The following GRIN2A variants were observed in gnomAD, a reference collection of about 807,000 sequenced individuals.
The protein encoded by GRIN2A is glutamate ionotropic receptor NMDA type subunit 2A.
In GRIN2A, 22 loss-of-function variants were observed where a neutral mutation model predicts 113.4. That is an observed-to-expected ratio of 0.19 (90% confidence interval 0.14 to 0.28). The LOEUF (loss-of-function observed/expected upper bound fraction) is 0.28, where lower values mean the gene tolerates loss of function less well. GRIN2A is among the 10% of genes least tolerant of loss of function. The pLI, the probability that GRIN2A is intolerant of heterozygous loss-of-function variation, is 1.00. For missense variants in GRIN2A, 1,502 were observed against 1,887.0 expected (o/e 0.80, Z 3.78); for synonymous variants, 827 against 738.4 (o/e 1.12, Z -1.94).
intron 11 of GRIN2A, among the ~76,000 whole-genome samples, chr16:9,773,795 A>T (rs942683920): frequency 6.6e-6 from 1 of 152,174 alleles, no homozygotes; most frequent in African/African-American, 2.4e-5. Context: ...ATCTCTACTA[A>T]CCACTTAGTT....
intron 2 of GRIN2A, among the ~76,000 whole-genome samples, chr16:10,005,445 G>C (rs1567229692): frequency 6.6e-6 from 1 of 152,184 alleles, no homozygotes; most frequent in Non-Finnish European, 1.5e-5. Context: ...AAATGAAGGA[G>C]AAATTTCAGA....
chr16:9,870,035 T>C (rs2043229419), intron 4 of GRIN2A, among the ~76,000 whole-genome samples: 1 of 152,218 alleles, frequency 6.6e-6, no homozygotes, highest in South Asian at 2.1e-4. Context: ...GGATTTTTTT[T>C]CCCTGCTCTA....
chr16:10,009,528 C>G (rs1388053333), intron 2 of GRIN2A, among the ~76,000 whole-genome samples: 1 of 152,078 alleles, frequency 6.6e-6, no homozygotes, highest in Non-Finnish European at 1.5e-5. Flanking sequence ...GACGGCACAA[C>G]CCCTAGACTC....
rs999523910 is a variant in GRIN2A at position 9,764,040 on chromosome 16, G to A, written c.3504C>T (p.Asn1168=). The change falls in exon 13 of 13, where the codon AAC becomes AAT. Residue 1168 remains asparagine, a synonymous_variant. Transcript: ENST00000330684. ...FRKGDSTLPM[N]RNPLHNEEGL... ...CCTCTTCATTATGCAAGGGGTTCCG[G>A]TTCATTGGCAGCGTGGAGTCCCCCT... The A allele has an allele frequency of 6.2e-7, 1 of 1,614,020 alleles. No individual in the cohort carries two copies. Among genetic ancestry groups the A allele is most frequent in the Non-Finnish European group, 8.5e-7 (1 of 1,179,888 alleles).
intron 4 of GRIN2A, among the ~76,000 whole-genome samples, chr16:9,877,113 C>T (rs2043383620): frequency 6.6e-6 from 1 of 152,114 alleles, no homozygotes; most frequent in South Asian, 2.1e-4. Flanking sequence ...AATTTGAATC[C>T]TTTCTCAGCT....
chr16:10,144,555 G>A (rs903095983), intron 2 of GRIN2A, among the ~76,000 whole-genome samples: 2 of 152,040 alleles, frequency 1.3e-5, no homozygotes, highest in Non-Finnish European at 2.9e-5. Flanking sequence ...TATATATTTT[G>A]GATATTAGCC....
intron 2 of GRIN2A, among the ~76,000 whole-genome samples, chr16:10,081,097 T>C (rs1235247925): frequency 6.6e-6 from 1 of 152,094 alleles, no homozygotes; most frequent in Non-Finnish European, 1.5e-5. Flanking sequence ...CATAAACAGG[T>C]CAAATGTCGT....
intron 10 of GRIN2A, among the ~76,000 whole-genome samples, chr16:9,800,198 C>G (rs1205712810): frequency 1.3e-5 from 2 of 152,130 alleles, no homozygotes; most frequent in Non-Finnish European, 2.9e-5. Context: ...TGGTCTTGAA[C>G]TCCTGGCCTC....
intron 2 of GRIN2A, among the ~76,000 whole-genome samples, chr16:9,958,726 G>T (rs1451671613): frequency 1.3e-5 from 2 of 151,880 alleles, no homozygotes; most frequent in Non-Finnish European, 2.9e-5. Context: ...GCAAGCAGAG[G>T]GCAGAAATTA....
intron 3 of GRIN2A, among the ~76,000 whole-genome samples, chr16:9,895,167 G>C (rs1052917652): frequency 6.6e-6 from 1 of 152,230 alleles, no homozygotes; most frequent in African/African-American, 2.4e-5. Flanking sequence ...TAAAAATAGA[G>C]ATATGGACTA....
chr16:10,043,224 G>A (rs1166362167), intron 2 of GRIN2A, among the ~76,000 whole-genome samples: 1 of 152,168 alleles, frequency 6.6e-6, no homozygotes, highest in African/African-American at 2.4e-5. Context: ...TGAGGAAACT[G>A]AGGCTTGATG....
chr16:9,998,067 A>G (rs1277995949), intron 2 of GRIN2A, among the ~76,000 whole-genome samples: 4 of 152,192 alleles, frequency 2.6e-5, no homozygotes, highest in Non-Finnish European at 4.4e-5. Context: ...TACACAAATA[A>G]TAGGTTATGC....
At chr16:9,772,302 C>T (rs555415420) in intron 11 of GRIN2A, among the ~76,000 whole-genome samples, 12 of 152,216 alleles carry the variant, frequency 7.9e-5, no homozygotes, top group Non-Finnish European at 1.3e-4. Flanking sequence ...TTCCTCTTCT[C>T]ACAAAAACAC....
intron 2 of GRIN2A, among the ~76,000 whole-genome samples, chr16:10,166,464 C>T (rs768510437): frequency 2.0e-5 from 3 of 152,174 alleles, no homozygotes; most frequent in African/African-American, 4.8e-5. Context: ...GGGATGACAA[C>T]CTGTAGGGGC....
chr16:10,120,538 G>A (rs1485075987), intron 2 of GRIN2A, among the ~76,000 whole-genome samples: 1 of 151,744 alleles, frequency 6.6e-6, no homozygotes. Context: ...GGAGGCCCTA[G>A]AATTTTACCT....
In GRIN2A at chr16:10,136,930, A is replaced by T. The variant is rs542035907; in HGVS notation, c.414+43068T>A. On this transcript the variant is annotated intron_variant, in intron 2 of 12. Coordinates refer to ENST00000330684, the MANE Select transcript of GRIN2A (RefSeq NM_001134407.3). ...AGACAGGGAAGTAAAAGGAAACAAT[A>T]AATGGTAAATTTTAAATTAAGTGAC... Among the ~76,000 whole-genome samples, 7 of 152,234 alleles carry T rather than the reference A, an allele frequency of 4.6e-5. 1 individual carries two copies. The highest frequency in any genetic ancestry group is 1.0e-4 in the Non-Finnish European group (7 of 68,040).
intron 2 of GRIN2A, among the ~76,000 whole-genome samples, chr16:9,954,383 G>C (rs1363254113): frequency 6.6e-6 from 1 of 152,080 alleles, no homozygotes; most frequent in African/African-American, 2.4e-5. Context: ...GACACTCTCT[G>C]GAGTTAAGAC....
chr16:10,102,144 G>T (rs1042875680), intron 2 of GRIN2A, among the ~76,000 whole-genome samples: 8 of 152,206 alleles, frequency 5.3e-5, no homozygotes, highest in African/African-American at 1.9e-4. Context: ...TATGGTTTGG[G>T]TGTTTGTTCC....
chr16:9,875,660 T>C (rs1383847463), intron 4 of GRIN2A, among the ~76,000 whole-genome samples: 3 of 152,146 alleles, frequency 2.0e-5, no homozygotes, highest in African/African-American at 7.2e-5. Flanking sequence ...GCTCCAGTAA[T>C]TGTGGGTGGG....
Sources: allele counts gnomAD v4.1 joint callset (sites outside exome capture counted in the v4.1 genomes callset), GRCh38; gene constraint gnomAD v4.1.1; transcripts MANE v1.5; gene names NCBI Gene and HGNC (gene_info 2026-07-23, HGNC 2026-07-21).